PCDH15: variants seen among roughly 807,000 people sequenced by gnomAD.
The protein encoded by PCDH15 is protocadherin-15.
In PCDH15, 129 loss-of-function variants were observed where a neutral mutation model predicts 178.5. The ratio of observed to expected loss-of-function variants is 0.72; its 90% CI spans 0.63 to 0.84. The LOEUF (loss-of-function observed/expected upper bound fraction) is 0.84, where lower values mean the gene tolerates loss of function less well. Among genes scored for constraint, PCDH15 ranks in the 40% least tolerant of loss-of-function variants. PCDH15 has a pLI of 0.00. For synonymous variants in PCDH15, 800 were observed against 732.0 expected (o/e 1.09, Z -1.50); for missense variants, 2,230 against 2,099.9 (o/e 1.06, Z -1.21).
intron 2 of PCDH15, among the ~76,000 whole-genome samples, chr10:54,946,225 C>A (rs185718373): frequency 1.3e-5 from 2 of 151,874 alleles, no homozygotes; most frequent in African/African-American, 4.8e-5. Flanking sequence ...GATATCACAG[C>A]CCAGGGTATA....
rs142001513 is a variant in PCDH15 at position 55,368,327 on chromosome 10, T to C, written c.-155-201676A>G. ...TTGCCCTAACATAGGCATGTGAGCATAAATGCATACACTACAAATATACAC... is the reference window on the plus strand; with the variant it reads ...TTGCCCTAACATAGGCATGTGAGCACAAATGCATACACTACAAATATACAC... On this transcript the variant is annotated intron_variant, in intron 2 of 5. Coordinates refer to the PCDH15 transcript ENST00000613346. 6.3e-3 allele frequency among the ~76,000 whole-genome samples: 959 copies of C among 152,238 alleles called. 11 individuals are homozygous for C. Among genetic ancestry groups the C allele is most frequent in the African/African-American group, 0.022 (913 of 41,554 alleles).
rs113820074 is a variant in PCDH15 at position 54,664,669 on chromosome 10, T to C, written c.-28-379A>G. The stretch of plus-strand genomic sequence containing the variant: ...CATAATTTTACAACAAAGTGTAAGA[T>C]AGTAAGCCAGTTGTTAGTATCCTAC... On this transcript the variant is annotated intron_variant, in intron 1 of 37. Transcript: ENST00000644397. Among the ~76,000 whole-genome samples, 1,199 of 152,084 alleles carry C rather than the reference T, an allele frequency of 7.9e-3. 14 individuals are homozygous for C. Among genetic ancestry groups the C allele is most frequent in the Non-Finnish European group, 0.013 (886 of 67,928 alleles).
intron 2 of PCDH15, among the ~76,000 whole-genome samples, chr10:55,388,600 T>C (rs1193943135): frequency 6.6e-6 from 1 of 152,134 alleles, no homozygotes; most frequent in Non-Finnish European, 1.5e-5. Context: ...CTAAATGCTA[T>C]TCTATATGTA....
rs536842594 is a variant in PCDH15 at position 54,497,304 on chromosome 10, G to A, written c.157+30508C>T. ...TAAAAGCACAAATCCCCATCCAAAG[G>A]AAAGAAACTTCAAAGATTAAAAGAA... is the stretch of plus-strand genomic sequence containing the variant. On this transcript the variant is annotated intron_variant, in intron 3 of 37. Transcript: ENST00000644397. Among the ~76,000 whole-genome samples the A allele has an allele frequency of 3.1e-3, 466 of 150,036 alleles. 2 individuals are homozygous for A. Among genetic ancestry groups the A allele is most frequent in the Middle Eastern group, 0.011 (3 of 282 alleles).
At chr10:55,006,507 G>T (rs1839931202) in intron 2 of PCDH15, among the ~76,000 whole-genome samples, 1 of 152,176 alleles carries the variant, frequency 6.6e-6, no homozygotes. Context: ...AAGGAACATT[G>T]CATTAAGAGT....
At chr10:55,552,771 T>C (rs1190307864) in intron 2 of PCDH15, among the ~76,000 whole-genome samples, 1 of 151,470 alleles carries the variant, frequency 6.6e-6, no homozygotes, top group African/African-American at 2.4e-5. Flanking sequence ...ATGGCTTTTA[T>C]TATAAACTAT....
intron 2 of PCDH15, chr10:54,619,077 C>T (rs2093276547): frequency 1.3e-5 from 2 of 151,998 alleles, no homozygotes; most frequent in Non-Finnish European, 2.9e-5. Flanking sequence ...AAGTCAAACA[C>T]TGATCTTCAA....
chr10:55,127,262 A>G (rs1017112251), intron 2 of PCDH15, among the ~76,000 whole-genome samples: 1 of 152,116 alleles, frequency 6.6e-6, no homozygotes, highest in Non-Finnish European at 1.5e-5. Flanking sequence ...ATCATGGCTC[A>G]GATTAACCAC....
chr10:54,513,808 T>C (rs2081944898), intron 3 of PCDH15, among the ~76,000 whole-genome samples: 1 of 152,212 alleles, frequency 6.6e-6, no homozygotes, highest in Non-Finnish European at 1.5e-5. Flanking sequence ...AAATGCCTAC[T>C]ATGTACCTGG....
chr10:53,984,647 AAATAT>A (rs1287154433), intron 21 of PCDH15, among the ~76,000 whole-genome samples: 1 of 152,186 alleles, frequency 6.6e-6, no homozygotes, highest in African/African-American at 2.4e-5. Flanking sequence ...GATTTGAGTT[AAATAT>A]TACCTATAGT....
chr10:54,848,858 T>C (rs1953559641), intron 3 of PCDH15, among the ~76,000 whole-genome samples: 1 of 152,148 alleles, frequency 6.6e-6, no homozygotes, highest in Admixed American at 6.5e-5. Context: ...TTGCTGAAAA[T>C]GCAGTATGTA....
intron 2 of PCDH15, among the ~76,000 whole-genome samples, chr10:55,438,658 G>A (rs1839105466): frequency 6.6e-6 from 1 of 151,478 alleles, no homozygotes; most frequent in African/African-American, 2.4e-5. Context: ...TAAGAATGAG[G>A]AATATTGAGT....
chr10:55,341,794 TATATATATA>T (rs1565032273), intron 2 of PCDH15, among the ~76,000 whole-genome samples: 67 of 13,162 alleles, frequency 5.1e-3, no homozygotes, highest in African/African-American at 0.016. Context: ...TATATATATA[TATATATATA>T]TATTTTTTTT....
intron 2 of PCDH15, among the ~76,000 whole-genome samples, chr10:55,517,626 G>A (rs1047615035): frequency 3.9e-5 from 6 of 152,086 alleles, no homozygotes; most frequent in Middle Eastern, 3.2e-3. Flanking sequence ...ACTATCATGC[G>A]TTCCAGCAAT....
intron 15 of PCDH15, among the ~76,000 whole-genome samples, chr10:54,094,698 T>C (rs1590381446): frequency 1.3e-5 from 2 of 152,200 alleles, no homozygotes; most frequent in South Asian, 4.1e-4. Context: ...TTTGCTAATA[T>C]ATGGTTAATA....
chr10:55,514,047 T>G (rs1840951421), intron 2 of PCDH15, among the ~76,000 whole-genome samples: 1 of 152,038 alleles, frequency 6.6e-6, no homozygotes, highest in African/African-American at 2.4e-5. Flanking sequence ...TTTCTAAATA[T>G]TAATAAGATT....
Position 54,403,120 on chromosome 10 carries a change from G to T in PCDH15, c.158-24178C>A, listed in dbSNP as rs1318490430. The stretch of plus-strand genomic sequence containing the variant: ...AGCCAAAAAACCTTATTGGTGATAA[G>T]TAGAAAGTTTGAGTGATCTGAATAG... On this transcript the variant is annotated intron_variant, in intron 3 of 37. Transcript: ENST00000644397. Among the ~76,000 whole-genome samples, 3 of 152,004 alleles carry T rather than the reference G, an allele frequency of 2.0e-5. No individual in the cohort carries two copies. The East Asian group carries it at 5.8e-4, about 29-fold the overall frequency.
intron 6 of PCDH15, among the ~76,000 whole-genome samples, chr10:54,333,115 A>AT (rs1410119503): frequency 6.6e-6 from 1 of 151,526 alleles, no homozygotes; most frequent in East Asian, 1.9e-4. Context: ...GCTAATTTTT[A>AT]TTTTTTACTT....
intron 1 of PCDH15, among the ~76,000 whole-genome samples, chr10:55,247,470 C>A (rs1453412845): frequency 6.6e-6 from 1 of 152,098 alleles, no homozygotes; most frequent in Non-Finnish European, 1.5e-5. Flanking sequence ...AGAGAGTTAT[C>A]CAGCATGTTA....
Sources: allele counts gnomAD v4.1 joint callset (sites outside exome capture counted in the v4.1 genomes callset), GRCh38; gene constraint gnomAD v4.1.1; transcripts MANE v1.5; gene names NCBI Gene and HGNC (gene_info 2026-07-23, HGNC 2026-07-21).